NR1D1: variants seen among roughly 807,000 people sequenced by gnomAD.
NR1D1 encodes nuclear receptor subfamily 1 group D member 1, also known as Rev-ErbAalpha.
Under a neutral mutation model 51.1 loss-of-function variants are expected in NR1D1, and 17 were observed. The ratio of observed to expected loss-of-function variants is 0.33; its 90% CI spans 0.23 to 0.50. The LOEUF (loss-of-function observed/expected upper bound fraction) is 0.50, where lower values mean the gene tolerates loss of function less well. Among genes scored for constraint, NR1D1 ranks in the 20% least tolerant of loss-of-function variants. NR1D1 has a pLI of 0.98. For missense variants in NR1D1, 647 were observed against 830.4 expected, an observed-to-expected ratio of 0.78 and a Z score of 2.71; for synonymous variants, 341 against 333.4, an observed-to-expected ratio of 1.02 and a Z score of -0.25.
rs140923649 is a variant in NR1D1, at chr17:40,094,924, C to T, written c.1434+11G>A. On this transcript the variant is annotated intron_variant, in intron 6 of 7. Transcript: ENST00000246672. ...AAAAAACAAAAACCAGAAGCATAAA[C>T]GGTCACTCACCTCAAAGGTGCCAGC... The T allele has an allele frequency of 0.011, 17,185 of 1,612,678 alleles. 121 individuals are homozygous for T. The highest frequency in any genetic ancestry group is 0.013 in the Non-Finnish European group (14,905 of 1,179,242).
chr17:40,099,722 T>C (rs1190104638), intron 1 of NR1D1, among the ~76,000 whole-genome samples: 1 of 152,032 alleles, frequency 6.6e-6, no homozygotes, highest in Non-Finnish European at 1.5e-5. Flanking sequence ...CAGCTGCAGG[T>C]AGTGGACAGA....
intron 6 of NR1D1, 24 bp downstream of exon 6, chr17:40,094,911 C>A: frequency 6.2e-7 from 1 of 1,608,622 alleles, no homozygotes; most frequent in Non-Finnish European, 8.5e-7. Context: ...AAAACAAAAA[C>A]CAGAAGCATA....
intron 1 of NR1D1, among the ~76,000 whole-genome samples, chr17:40,099,601 T>G (rs929937909): frequency 2.6e-5 from 4 of 151,990 alleles, no homozygotes; most frequent in African/African-American, 9.7e-5. Context: ...CAGCCCCTCC[T>G]TCCCTGAACC....
In NR1D1 at chr17:40,100,267, C is replaced by T; in HGVS notation, c.-173G>A. 1.5e-6 allele frequency: 1 copy of T among 655,240 alleles called. No homozygotes were observed. Among genetic ancestry groups the T allele is most frequent in the South Asian group, 1.7e-5 (1 of 59,608 alleles). 40.6% of individuals were successfully genotyped at this position (655,240 alleles called of 1,614,324 possible). ...GTCTTGGGGTGGCCGGACTGCAGCC[C>T]TGCAGAAGGGTTGGACGTTGAGGCA... On this transcript the variant is annotated 5_prime_UTR_variant, in exon 1 of 8. Coordinates refer to ENST00000246672, the MANE Select transcript of NR1D1 (RefSeq NM_021724.5).
chr17:40,097,990 A>AAC (rs746055499), intron 1 of NR1D1, among the ~76,000 whole-genome samples: 58 of 152,210 alleles, frequency 3.8e-4, no homozygotes, highest in Admixed American at 1.2e-3. Context: ...CTGGCCTCTT[A>AAC]AGAGAGTGAG....
chr17:40,097,878 G>A (rs1041261566), intron 1 of NR1D1, among the ~76,000 whole-genome samples: 2 of 152,204 alleles, frequency 1.3e-5, no homozygotes, highest in African/African-American at 2.4e-5. Flanking sequence ...ACAGTAAAGA[G>A]AATGGAGGGT....
At chr17:40,098,608 G>A (rs894930601) in intron 1 of NR1D1, among the ~76,000 whole-genome samples, 1 of 152,148 alleles carries the variant, frequency 6.6e-6, no homozygotes, top group Non-Finnish European at 1.5e-5. Context: ...TCTAGGTCTA[G>A]GTCTAGACCC....
chr17:40,097,300 G>A lies in NR1D1; in HGVS notation c.135C>T (p.Thr45=). 6.2e-7 allele frequency: 1 copy of A among 1,614,110 alleles called. No individual in the cohort carries two copies. Among genetic ancestry groups the A allele is most frequent in the Non-Finnish European group, 8.5e-7 (1 of 1,180,002 alleles). Residue 45 remains threonine, a synonymous_variant, in exon 2 of 8, where the codon ACC becomes ACT. Transcript: ENST00000246672. ...DNSNGSFQSL[T]QGCPTYFPPS... ...GTGGGAAGTAGGTGGGACAGCCTTG[G>A]GTCAGGGACTGGAAGCTGCCATTGG...
intron 1 of NR1D1, 138 bp from the exon 2 acceptor site, chr17:40,097,541 TTAA>T (rs1436544965): frequency 4.3e-6 from 3 of 698,928 alleles, no homozygotes; most frequent in Non-Finnish European, 4.9e-6. Flanking sequence ...AATCTTGGAG[TTAA>T]TAAGCAATTC....
chr17:40,096,198 A>G (rs1796904436), intron 4 of NR1D1, 111 bp from the exon 5 acceptor site: 5 of 1,463,402 alleles, frequency 3.4e-6, no homozygotes, highest in Non-Finnish European at 4.6e-6. Context: ...TTTCACATCA[A>G]AACTAAAACC....
chr17:40,096,090 G>GC lies in NR1D1; in HGVS notation c.605-4dup. 6.2e-7 allele frequency: 1 copy of GC among 1,611,626 alleles called. No individual in the cohort carries two copies. Among genetic ancestry groups the GC allele is most frequent in the Non-Finnish European group, 8.5e-7 (1 of 1,179,360 alleles). Reference sequence around the variant, plus strand: ...GGGGATGCGCCCAAAACGCACAGCTGCAACAGGATGAGAACAGCATCAGGA... The same window carrying GC: ...GGGGATGCGCCCAAAACGCACAGCTGCCAACAGGATGAGAACAGCATCAGGA... On this transcript the variant is annotated splice_region_variant and splice_polypyrimidine_tract_variant and intron_variant, in intron 4 of 7. Transcript: ENST00000246672.
intron 1 of NR1D1, among the ~76,000 whole-genome samples, chr17:40,099,111 C>T (rs1987823290): frequency 6.6e-6 from 1 of 151,704 alleles, no homozygotes; most frequent in African/African-American, 2.4e-5. Flanking sequence ...AGGGCGGGAG[C>T]TGGGCCCTCA....
Position 40,097,258 on chromosome 17 carries a change from G to A in NR1D1, c.177C>T (p.Ser59=). The change falls in exon 2 of 8, where the codon TCC becomes TCT. Residue 59 remains serine (S), a synonymous_variant. Coordinates refer to ENST00000246672, the MANE Select transcript of NR1D1 (RefSeq NM_021724.5). ...AGGAGCGAGCCGGGTCTTGGGTGAG[G>A]GAGCCAGTGGGGGATGGTGGGAAGT... ...PTYFPPSPTG[S]LTQDPARSFG... is the part of the protein sequence containing the mutation. 1 of 1,612,752 alleles carries A rather than the reference G, an allele frequency of 6.2e-7. No homozygotes were observed. Among genetic ancestry groups the A allele is most frequent in the Non-Finnish European group, 8.5e-7 (1 of 1,178,930 alleles).
Position 40,093,534 on chromosome 17 carries a change from CA to C in NR1D1, c.1646-253del, listed in dbSNP as rs776645601. On this transcript the variant is annotated intron_variant, in intron 7 of 7. Coordinates refer to ENST00000246672, the MANE Select transcript of NR1D1 (RefSeq NM_021724.5). This position sits in a 1 kb window ranked among gnomAD's most constrained non-coding sequence, Gnocchi z 5.9. Reference sequence around the variant, plus strand: ...CGTAAGACCACCTTCCCTTCCTCAGCAGGCCAAACATGGCCAGACTCCCTTG... The same window carrying C: ...CGTAAGACCACCTTCCCTTCCTCAGCGGCCAAACATGGCCAGACTCCCTTG... 247 of 1,243,084 alleles carry C rather than the reference CA, an allele frequency of 2.0e-4. No individual in the cohort carries two copies. Among genetic ancestry groups the C allele is most frequent in the Non-Finnish European group, 2.5e-4 (227 of 917,332 alleles). The allele number at this position is 1,243,084 out of a possible 1,614,324, so 77.0% of individuals were successfully genotyped here.
Position 40,100,419 on chromosome 17 carries a change from G to T in NR1D1, c.-325C>A, listed in dbSNP as rs1987855577. ...AGTGTACGGGGTGCCTCTGCCTGCC[G>T]GCTCCGCAGCGCTGCGGGGTGGCGA... On this transcript the variant is annotated 5_prime_UTR_variant, in exon 1 of 8. Transcript: ENST00000246672. The T allele has an allele frequency of 2.1e-6, 1 of 466,040 alleles. No individual in the cohort carries two copies. Among genetic ancestry groups the T allele is most frequent in the Admixed American group, 3.8e-5 (1 of 25,984 alleles). The allele number at this position is 466,040 out of a possible 1,614,324, so 28.9% of individuals were successfully genotyped here.
intron 1 of NR1D1, among the ~76,000 whole-genome samples, chr17:40,097,856 G>C (rs1000548258): frequency 6.6e-6 from 1 of 152,200 alleles, no homozygotes; most frequent in Non-Finnish European, 1.5e-5. Flanking sequence ...ACCATGGAGA[G>C]ATAGGTAGCC....
chr17:40,097,379 G>T lies in NR1D1; in HGVS notation c.56C>A (p.Ser19Tyr). Reference protein sequence around the residue: ...NTGGVITYIGSSGSSPSRTSP... With the variant: ...NTGGVITYIGYSGSSPSRTSP... ...GGTGCGGCTTGGGGAGGAGCCACTG[G>T]AGCCAATGTAGGTGATGACGCCACC... is the stretch of plus-strand genomic sequence containing the variant. The change falls in exon 2 of 8, where the codon TCC becomes TAC. Residue 19 changes from serine (S) to tyrosine (Y), a missense_variant. By Grantham distance (144) the Ser-to-Tyr change is moderately radical. Coordinates refer to ENST00000246672, the MANE Select transcript of NR1D1 (RefSeq NM_021724.5). 1 of 1,612,366 alleles carries T rather than the reference G, an allele frequency of 6.2e-7. No individual in the cohort carries two copies. The highest frequency in any genetic ancestry group is 8.5e-7 in the Non-Finnish European group (1 of 1,179,312).
intron 1 of NR1D1, among the ~76,000 whole-genome samples, chr17:40,097,887 G>A (rs1433460383): frequency 1.3e-5 from 2 of 152,144 alleles, no homozygotes; most frequent in Non-Finnish European, 2.9e-5. Flanking sequence ...AGAATGGAGG[G>A]TTTACAAAAG....
intron 5 of NR1D1, 118 bp from the exon 6 acceptor site, chr17:40,095,238 G>C (rs1039250826): frequency 2.4e-5 from 28 of 1,189,264 alleles, no homozygotes; most frequent in Non-Finnish European, 3.2e-5. Flanking sequence ...CTGAAGGATG[G>C]GTCTTTCAGA....
Sources: gnomAD v4.1 joint callset for allele counts (sites outside exome capture counted in the v4.1 genomes callset) on GRCh38, gnomAD v4.1.1 for gene constraint, Gnocchi (gnomAD v3.1) non-coding constraint, MANE v1.5 for transcripts, NCBI Gene and HGNC (gene_info 2026-07-23, HGNC 2026-07-21) for gene names.